Variants in LRP1B observed in about 807,000 individuals in gnomAD.
The protein encoded by LRP1B is low-density lipoprotein receptor-related protein 1B.
LRP1B carries 217 observed loss-of-function variants against 556.6 expected under a neutral mutation model. That is an observed-to-expected ratio of 0.39 (90% confidence interval 0.35 to 0.44). The LOEUF (loss-of-function observed/expected upper bound fraction) is 0.44. LRP1B is among the 20% of genes least tolerant of loss of function. The pLI, the probability that LRP1B is intolerant of heterozygous loss-of-function variation, is 1.00. For synonymous variants in LRP1B, 2,047 were observed against 1,865.8 expected, an observed-to-expected ratio of 1.10 and a Z score of -2.50; for missense variants, 5,053 against 5,620.8, an observed-to-expected ratio of 0.90 and a Z score of 3.23.
At chr2:141,746,125 C>T (rs558284028) in intron 2 of LRP1B, among the ~76,000 whole-genome samples, 48 of 152,164 alleles carry the variant, frequency 3.2e-4, no homozygotes, top group Admixed American at 6.5e-4. Context: ...AGGGGTAGTA[C>T]AAGCACTCCC....
At chr2:141,015,387 G>T (rs547169340) in intron 13 of LRP1B, among the ~76,000 whole-genome samples, 9 of 152,130 alleles carry the variant, frequency 5.9e-5, no homozygotes, top group African/African-American at 2.2e-4. Flanking sequence ...ATAGAGTGGG[G>T]TTGCTTGGTT....
chr2:141,591,364 T>TTG (rs1553539634), intron 2 of LRP1B, among the ~76,000 whole-genome samples: 1 of 99,414 alleles, frequency 1.0e-5, no homozygotes, highest in Non-Finnish European at 2.4e-5. Context: ...TGTTTGTTTG[T>TTG]TTTTTTTTTT....
At chr2:140,735,915 T>C (rs1687930655) in intron 35 of LRP1B, among the ~76,000 whole-genome samples, 1 of 152,042 alleles carries the variant, frequency 6.6e-6, no homozygotes, top group Admixed American at 6.6e-5. Flanking sequence ...TGCAATTGAA[T>C]TTTAAGGGTA....
intron 2 of LRP1B, among the ~76,000 whole-genome samples, chr2:141,802,571 C>G (rs1234450245): frequency 6.6e-6 from 1 of 151,836 alleles, no homozygotes; most frequent in Non-Finnish European, 1.5e-5. Context: ...ATTCCATAGG[C>G]AGAGAGTAGA....
intron 3 of LRP1B, among the ~76,000 whole-genome samples, chr2:141,350,150 C>A (rs1183669725): frequency 6.6e-6 from 1 of 152,064 alleles, no homozygotes; most frequent in Non-Finnish European, 1.5e-5. Context: ...AATTACCTCC[C>A]ACTGAGTGCC....
At position 141,108,856 on chromosome 2, in the gene LRP1B, A is replaced by G. The variant is rs117451748; in HGVS notation, c.1014-46583T>C. On this transcript the variant is annotated intron_variant, in intron 7 of 90. Transcript: ENST00000389484. ...GCCAAGCTTCCTTTGGGATATATTT[A>G]GTTGATAGTTTAAATGATAATAGCC... 1.4e-4 allele frequency among the ~76,000 whole-genome samples: 21 copies of G among 152,248 alleles called. No homozygotes were observed. In the East Asian group the frequency reaches 2.7e-3, roughly 20 times the overall value.
intron 41 of LRP1B, among the ~76,000 whole-genome samples, chr2:140,612,581 C>A (rs188712401): frequency 6.6e-6 from 1 of 152,082 alleles, no homozygotes; most frequent in East Asian, 1.9e-4. Flanking sequence ...TGGTATGCAT[C>A]CTCTCTCATC....
chr2:140,618,964 T>C (rs139224169), intron 41 of LRP1B, among the ~76,000 whole-genome samples: 1 of 152,226 alleles, frequency 6.6e-6, no homozygotes, highest in African/African-American at 2.4e-5. Flanking sequence ...CTCTCCTCAA[T>C]TCACATATCC....
At chr2:140,335,180 G>A (rs1193954996) in intron 78 of LRP1B, among the ~76,000 whole-genome samples, 2 of 138,328 alleles carry the variant, frequency 1.4e-5, no homozygotes, top group African/African-American at 2.6e-5. Flanking sequence ...AAATTTGTGT[G>A]TGTGTGTGCA....
intron 46 of LRP1B, among the ~76,000 whole-genome samples, chr2:140,536,245 T>C (rs3828940): frequency 0.49 from 68,143 of 137,844 alleles, 16,640 homozygotes; most frequent in East Asian, 0.61. Context: ...GAGGCTGAAG[T>C]GGGAGGATTG....
intron 2 of LRP1B, among the ~76,000 whole-genome samples, chr2:141,635,326 C>T (rs555207044): frequency 7.4e-4 from 113 of 152,046 alleles, no homozygotes; most frequent in African/African-American, 2.4e-3. Context: ...TGGAACACAA[C>T]GGGTGTTACC....
intron 41 of LRP1B, among the ~76,000 whole-genome samples, chr2:140,660,899 T>A (rs1013744482): frequency 3.3e-5 from 5 of 151,682 alleles, no homozygotes; most frequent in Non-Finnish European, 7.4e-5. Context: ...CTCTCATTTT[T>A]ATTGCATTTA....
chr2:141,350,904 CT>C (rs1688421153), intron 3 of LRP1B, among the ~76,000 whole-genome samples: 1 of 152,016 alleles, frequency 6.6e-6, no homozygotes, highest in African/African-American at 2.4e-5. Flanking sequence ...GTTTTACCTA[CT>C]TTATGAGAAA....
chr2:141,382,513 C>T (rs1573881379), intron 3 of LRP1B, among the ~76,000 whole-genome samples: 1 of 152,208 alleles, frequency 6.6e-6, no homozygotes, highest in East Asian at 1.9e-4. Flanking sequence ...CAGCTCTAGT[C>T]TCTCTTACTG....
chr2:141,998,091 C>A (rs965963168), intron 1 of LRP1B, among the ~76,000 whole-genome samples: 3 of 152,116 alleles, frequency 2.0e-5, no homozygotes, highest in Admixed American at 2.0e-4. Flanking sequence ...AAAAGCACTA[C>A]ATGGCTTAGT....
At chr2:140,422,233 A>G (rs1262203908) in intron 66 of LRP1B, among the ~76,000 whole-genome samples, 1 of 152,226 alleles carries the variant, frequency 6.6e-6, no homozygotes, top group Admixed American at 6.5e-5. Flanking sequence ...ACATGAAAGC[A>G]GTACATAAAT....
intron 32 of LRP1B, among the ~76,000 whole-genome samples, chr2:140,797,600 G>A (rs750760156): frequency 9.2e-5 from 14 of 152,010 alleles, no homozygotes; most frequent in Middle Eastern, 3.2e-3. Context: ...TTATACACAT[G>A]AAAGATACAA....
At chr2:141,834,840 G>C (rs141250252) in intron 1 of LRP1B, among the ~76,000 whole-genome samples, 21 of 152,060 alleles carry the variant, frequency 1.4e-4, no homozygotes, top group African/African-American at 5.1e-4. Flanking sequence ...AAGCAATGTA[G>C]AATGATAGTT....
intron 41 of LRP1B, among the ~76,000 whole-genome samples, chr2:140,687,436 G>A (rs1243151140): frequency 2.0e-5 from 3 of 152,112 alleles, no homozygotes; most frequent in Non-Finnish European, 4.4e-5. Context: ...CCTAGGCGTT[G>A]CAAATAAGGC....
Sources: gnomAD v4.1 joint callset for allele counts (sites outside exome capture counted in the v4.1 genomes callset) on GRCh38, gnomAD v4.1.1 for gene constraint, MANE v1.5 for transcripts, NCBI Gene and HGNC (gene_info 2026-07-23, HGNC 2026-07-21) for gene names.